TAFA2: variants seen among roughly 807,000 people sequenced by gnomAD.
TAFA2 encodes chemokine-like protein TAFA-2.
In TAFA2, 7 loss-of-function variants were observed where a neutral mutation model predicts 18.8. The observed-to-expected ratio is 0.37, with a 90% confidence interval of 0.21 to 0.70. The LOEUF is 0.70. Ranked by LOEUF, TAFA2 falls within the 30% of genes least tolerant of loss-of-function variation. The pLI is 0.53. For synonymous variants in TAFA2, 60 were observed against 54.2 expected (o/e 1.11, Z -0.47); for missense variants, 122 against 158.1 (o/e 0.77, Z 1.23).
chr12:62,028,602 C>G (rs1881369610), intron 1 of TAFA2, among the ~76,000 whole-genome samples: 1 of 152,140 alleles, frequency 6.6e-6, no homozygotes, highest in Admixed American at 6.5e-5. Flanking sequence ...TCTTAGCTTA[C>G]AAGTAAGTTC....
intron 1 of TAFA2, among the ~76,000 whole-genome samples, chr12:62,071,787 T>C (rs532959479): frequency 1.3e-5 from 2 of 152,276 alleles, no homozygotes; most frequent in African/African-American, 4.8e-5. Context: ...AACTTCTAGA[T>C]ACTTGGCTTG....
chr12:62,017,017 A>T (rs577636448), intron 1 of TAFA2, among the ~76,000 whole-genome samples: 4 of 152,218 alleles, frequency 2.6e-5, no homozygotes, highest in African/African-American at 7.2e-5. Context: ...ATGATAATAC[A>T]TAGCTAAATT....
At chr12:62,250,680 G>T (rs1409250072) in intron 1 of TAFA2, among the ~76,000 whole-genome samples, 1 of 152,040 alleles carries the variant, frequency 6.6e-6, no homozygotes, top group Non-Finnish European at 1.5e-5. Flanking sequence ...CATTCTCTAT[G>T]TATCTTAACT....
At chr12:61,754,717 T>C (rs562001279) in intron 3 of TAFA2, among the ~76,000 whole-genome samples, 155 bp downstream of exon 3, 1 of 152,200 alleles carries the variant, frequency 6.6e-6, no homozygotes, top group Admixed American at 6.5e-5. Flanking sequence ...ATTTTAGATT[T>C]CAAAATGCCA....
Position 62,123,161 on chromosome 12 carries a change from G to A in TAFA2, c.-2+68098C>T, listed in dbSNP as rs574391828. ...ATACTCAGCCACATTTAAGTTTATC[G>A]AGGACAGAAAACAGCTTTTATTCCC... On this transcript the variant is annotated intron_variant, in intron 1 of 4. Coordinates refer to ENST00000416284, the MANE Select transcript of TAFA2 (RefSeq NM_178539.5). 6.6e-5 allele frequency among the ~76,000 whole-genome samples: 10 copies of A among 152,092 alleles called. No individual in the cohort carries two copies. The East Asian group carries it at 9.7e-4, about 15-fold the overall frequency.
At chr12:61,932,431 G>A (rs1027873528) in intron 1 of TAFA2, among the ~76,000 whole-genome samples, 2 of 152,132 alleles carry the variant, frequency 1.3e-5, no homozygotes, top group Non-Finnish European at 2.9e-5. Context: ...GCAAGGAGAG[G>A]CATAATATCA....
Position 62,041,665 on chromosome 12 carries a change from T to C in TAFA2, c.-2+149594A>G, listed in dbSNP as rs887428512. On this transcript the variant is annotated intron_variant, in intron 1 of 4. Coordinates refer to ENST00000416284, the MANE Select transcript of TAFA2 (RefSeq NM_178539.5). ...TTTGGAAGTAACTATCTGAATTGCA[T>C]GTATACTTAGTTATTCCTCTCCTCA... 3.9e-5 allele frequency among the ~76,000 whole-genome samples: 6 copies of C among 152,170 alleles called. No individual in the cohort carries two copies. In the South Asian group the frequency reaches 6.2e-4, roughly 16 times the overall value.
chr12:62,252,431 G>T (rs1456578484), intron 1 of TAFA2: 2 of 152,170 alleles, frequency 1.3e-5, no homozygotes, highest in Non-Finnish European at 2.9e-5. Flanking sequence ...GTGTCTCCTG[G>T]TGGAAATGCT....
At chr12:62,243,514 C>A (rs938431072) in intron 1 of TAFA2, among the ~76,000 whole-genome samples, 1 of 152,192 alleles carries the variant, frequency 6.6e-6, no homozygotes. Context: ...CACTTATGGA[C>A]TGATTTTCTG....
intron 1 of TAFA2, among the ~76,000 whole-genome samples, chr12:62,008,612 C>T (rs1344097395): frequency 6.6e-6 from 1 of 152,126 alleles, no homozygotes; most frequent in Non-Finnish European, 1.5e-5. Flanking sequence ...ACTACTATAA[C>T]ACCCATCTTT....
intron 1 of TAFA2, among the ~76,000 whole-genome samples, chr12:61,957,861 A>G (rs1049456872): frequency 2.0e-5 from 3 of 152,044 alleles, no homozygotes; most frequent in African/African-American, 4.8e-5. Flanking sequence ...CCTGGACACA[A>G]TGCATCCCTA....
chr12:62,136,477 C>G (rs1006170778), intron 1 of TAFA2, among the ~76,000 whole-genome samples: 1 of 152,050 alleles, frequency 6.6e-6, no homozygotes, highest in Admixed American at 6.6e-5. Flanking sequence ...TAACAGAGGA[C>G]AAAACTTTTC....
chr12:62,020,399 CA>C (rs1881089881), intron 1 of TAFA2, among the ~76,000 whole-genome samples: 1 of 152,088 alleles, frequency 6.6e-6, no homozygotes, highest in Admixed American at 6.5e-5. Flanking sequence ...AGCTGAATAT[CA>C]GGGGACAAAT....
intron 1 of TAFA2, among the ~76,000 whole-genome samples, chr12:62,254,260 G>C (rs1016752835): frequency 1.3e-5 from 2 of 152,112 alleles, no homozygotes; most frequent in Non-Finnish European, 2.9e-5. Flanking sequence ...TCTAATATGA[G>C]TTTCACATTC....
intron 2 of TAFA2, 51 bp downstream of exon 2, chr12:61,867,269 A>G: frequency 8.8e-7 from 1 of 1,131,428 alleles, no homozygotes; most frequent in Non-Finnish European, 1.3e-6. Flanking sequence ...AGTCTGTGTT[A>G]AGGGTAGTCA....
At chr12:61,718,952 C>T (rs1377089320) in intron 4 of TAFA2, among the ~76,000 whole-genome samples, 37 of 152,170 alleles carry the variant, frequency 2.4e-4, no homozygotes, top group Non-Finnish European at 1.2e-4. Flanking sequence ...TTCCTTTTCG[C>T]AGCCTAGAGA....
chr12:62,044,334 A>G (rs1881850855), intron 1 of TAFA2, among the ~76,000 whole-genome samples: 1 of 152,106 alleles, frequency 6.6e-6, no homozygotes, highest in South Asian at 2.1e-4. Flanking sequence ...TACTTAGAGT[A>G]ACAAAAAGTC....
intron 1 of TAFA2, among the ~76,000 whole-genome samples, chr12:61,982,133 C>G (rs1000216267): frequency 6.6e-6 from 1 of 152,136 alleles, no homozygotes; most frequent in Non-Finnish European, 1.5e-5. Flanking sequence ...AGTTCATGTC[C>G]TTTGCAGGGT....
intron 1 of TAFA2, among the ~76,000 whole-genome samples, chr12:61,998,345 G>T (rs1880269247): frequency 6.6e-6 from 1 of 152,050 alleles, no homozygotes; most frequent in Non-Finnish European, 1.5e-5. Flanking sequence ...AACACCTTTT[G>T]CATGTTCATT....
Sources: allele counts gnomAD v4.1 joint callset (sites outside exome capture counted in the v4.1 genomes callset), GRCh38; gene constraint gnomAD v4.1.1; transcripts MANE v1.5; gene names NCBI Gene and HGNC (gene_info 2026-07-23, HGNC 2026-07-21).